The following KCNH5 variants were observed in gnomAD, a reference collection of about 807,000 sequenced individuals.
KCNH5 encodes the protein potassium voltage-gated channel subfamily H member 5, also known as voltage-gated delayed rectifier potassium channel KCNH5.
In KCNH5, 46 loss-of-function variants were observed where a neutral mutation model predicts 96.1. The ratio of observed to expected loss-of-function variants is 0.48; its 90% CI spans 0.38 to 0.61. The LOEUF (loss-of-function observed/expected upper bound fraction) is 0.61, where lower values mean the gene tolerates loss of function less well. Among genes scored for constraint, KCNH5 ranks in the 20% least tolerant of loss-of-function variants. The pLI, the probability that KCNH5 is intolerant of heterozygous loss-of-function variation, is 0.00. For missense variants in KCNH5, 907 were observed against 1,225.8 expected (o/e 0.74, Z 3.88); for synonymous variants, 439 against 449.8 (o/e 0.98, Z 0.30).
chr14:62,774,868 C>A (rs1458644105), intron 10 of KCNH5, among the ~76,000 whole-genome samples: 1 of 152,172 alleles, frequency 6.6e-6, no homozygotes, highest in African/African-American at 2.4e-5. Flanking sequence ...GACTCTCACA[C>A]ATGGGATCTT....
chr14:63,036,768 G>A (rs756531058), intron 1 of KCNH5, among the ~76,000 whole-genome samples: 12 of 152,124 alleles, frequency 7.9e-5, no homozygotes, highest in Admixed American at 5.9e-4. Context: ...GGAGAGGAGG[G>A]AGGAGGAGAG....
rs183364361 is a variant in KCNH5 at position 62,760,672 on chromosome 14, A to G, written c.2019+19056T>C. Among the ~76,000 whole-genome samples the G allele has an allele frequency of 1.4e-3, 216 of 152,334 alleles. 1 individual carries two copies. Among genetic ancestry groups the G allele is most frequent in the African/African-American group, 5.0e-3 (207 of 41,588 alleles). ...TTCAGAGAGAAGAGACAGAAAATGAATGACTTTTTCCAAGAGAAATTACTA... is the reference window on the plus strand; with the variant it reads ...TTCAGAGAGAAGAGACAGAAAATGAGTGACTTTTTCCAAGAGAAATTACTA... On this transcript the variant is annotated intron_variant, in intron 10 of 10. Transcript: ENST00000322893.
intron 6 of KCNH5, among the ~76,000 whole-genome samples, chr14:62,963,502 A>T (rs1004492359): frequency 6.6e-6 from 1 of 152,156 alleles, no homozygotes; most frequent in Non-Finnish European, 1.5e-5. Flanking sequence ...TTGCAATTCA[A>T]GTCCAAAGAC....
chr14:62,927,443 C>G (rs1889497842), intron 7 of KCNH5, among the ~76,000 whole-genome samples: 1 of 152,072 alleles, frequency 6.6e-6, no homozygotes, highest in Non-Finnish European at 1.5e-5. Flanking sequence ...ACACCCATGT[C>G]TATAGGAGCA....
At chr14:63,039,476 A>G (rs1165850875) in intron 1 of KCNH5, among the ~76,000 whole-genome samples, 1 of 152,042 alleles carries the variant, frequency 6.6e-6, no homozygotes, top group African/African-American at 2.4e-5. Context: ...CTACTTCACC[A>G]ATTCAATATA....
At chr14:62,800,935 G>GA (rs796297890) in intron 9 of KCNH5, among the ~76,000 whole-genome samples, 1,917 of 140,178 alleles carry the variant, frequency 0.014, 40 homozygotes, top group African/African-American at 0.043. Flanking sequence ...TTTTCTTCTT[G>GA]AAAAAAAAAA....
At chr14:62,884,763 T>A (rs776161610) in intron 7 of KCNH5, among the ~76,000 whole-genome samples, 2 of 152,226 alleles carry the variant, frequency 1.3e-5, no homozygotes, top group Non-Finnish European at 2.9e-5. Context: ...AAAGGTTAGA[T>A]GATAAAATCA....
At chr14:62,816,987 G>A (rs548584660) in intron 8 of KCNH5, among the ~76,000 whole-genome samples, 43 of 147,750 alleles carry the variant, frequency 2.9e-4, no homozygotes, top group African/African-American at 1.1e-3. Context: ...ATTCCTGTTT[G>A]GTTCTTTTTT....
intron 7 of KCNH5, among the ~76,000 whole-genome samples, chr14:62,894,372 G>C (rs1396111143): frequency 6.6e-6 from 1 of 152,174 alleles, no homozygotes; most frequent in Non-Finnish European, 1.5e-5. Context: ...AGTGCAAAGG[G>C]AAGAATTCAG....
chr14:62,870,492 C>T (rs912059918), intron 7 of KCNH5, among the ~76,000 whole-genome samples: 3 of 152,040 alleles, frequency 2.0e-5, no homozygotes, highest in African/African-American at 7.2e-5. Context: ...AAAGTCAAGT[C>T]CTCTGAGTAG....
At chr14:62,955,038 G>A (rs1442560132) in intron 6 of KCNH5, among the ~76,000 whole-genome samples, 1 of 151,044 alleles carries the variant, frequency 6.6e-6, no homozygotes. Flanking sequence ...ATATCACTAG[G>A]TCACACATGT....
At chr14:62,862,308 G>A (rs1162126242) in intron 7 of KCNH5, among the ~76,000 whole-genome samples, 4 of 152,020 alleles carry the variant, frequency 2.6e-5, no homozygotes, top group Non-Finnish European at 4.4e-5. Flanking sequence ...AAATAGTTTG[G>A]GGTCCTGAGA....
chr14:62,761,184 G>A (rs1419403144), intron 10 of KCNH5, among the ~76,000 whole-genome samples: 4 of 151,886 alleles, frequency 2.6e-5, no homozygotes, highest in South Asian at 4.2e-4. Flanking sequence ...GAGAAACCCC[G>A]TCTCTACTAA....
chr14:62,761,589 G>T (rs569658860), intron 10 of KCNH5, among the ~76,000 whole-genome samples: 9 of 152,144 alleles, frequency 5.9e-5, no homozygotes, highest in Non-Finnish European at 1.2e-4. Flanking sequence ...GGTTGGGGAG[G>T]GAAGAACTCT....
At chr14:62,776,839 A>G (rs541784473) in intron 10 of KCNH5, among the ~76,000 whole-genome samples, 30 of 152,296 alleles carry the variant, frequency 2.0e-4, no homozygotes, top group Non-Finnish European at 4.0e-4. Flanking sequence ...GCAAGCAGCT[A>G]AAGAAGGCTC....
At position 62,700,314 on chromosome 14, in the gene KCNH5, T is replaced by C. The variant is rs1884328324; in HGVS notation, c.*7194A>G. On this transcript the variant is annotated 3_prime_UTR_variant, in exon 11 of 11. Coordinates refer to ENST00000322893, the MANE Select transcript of KCNH5 (RefSeq NM_139318.5). ...GTTCTAAACTGGTTTCCACTTTTCA[T>C]AACAATCACTTAAGAAATCTGTTCC... 1 of 152,208 alleles carries C rather than the reference T, an allele frequency of 6.6e-6. No individual in the cohort carries two copies. The highest frequency in any genetic ancestry group is 1.5e-5 in the Non-Finnish European group (1 of 68,032). 9.4% of individuals were successfully genotyped at this position (152,208 alleles called of 1,614,324 possible).
chr14:63,006,475 G>A lies in KCNH5; in HGVS notation c.198-3C>T. On this transcript the variant is annotated splice_region_variant and splice_polypyrimidine_tract_variant and intron_variant, in intron 2 of 10. Coordinates refer to ENST00000322893, the MANE Select transcript of KCNH5 (RefSeq NM_139318.5). Reference sequence around the variant, plus strand: ...CAGTCAATTCCCCATACATAAAACTGGGGGGGAAAAAAAACAAACAATCGA... The same window carrying A: ...CAGTCAATTCCCCATACATAAAACTAGGGGGGAAAAAAAACAAACAATCGA... The A allele has an allele frequency of 6.5e-7, 1 of 1,544,518 alleles. No homozygotes were observed. The highest frequency in any genetic ancestry group is 1.1e-5 in the South Asian group (1 of 87,286).
intron 7 of KCNH5, among the ~76,000 whole-genome samples, chr14:62,915,410 A>G (rs539780936): frequency 1.3e-5 from 2 of 152,368 alleles, no homozygotes; most frequent in South Asian, 4.1e-4. Context: ...ATAGTAAGAA[A>G]TATAATTCTT....
Position 62,701,009 on chromosome 14 carries a change from T to A in KCNH5, c.*6499A>T, listed in dbSNP as rs908763791. ...TAAATTAGTTATTATGGATACTCAATCTGGTTTATTGAAGCTTCAAGGTGA... is the reference window on the plus strand; with the variant it reads ...TAAATTAGTTATTATGGATACTCAAACTGGTTTATTGAAGCTTCAAGGTGA... On this transcript the variant is annotated 3_prime_UTR_variant, in exon 11 of 11. Coordinates refer to ENST00000322893, the MANE Select transcript of KCNH5 (RefSeq NM_139318.5). 10 of 152,132 alleles carry A rather than the reference T, an allele frequency of 6.6e-5. No individual in the cohort carries two copies. The highest frequency in any genetic ancestry group is 1.3e-4 in the Admixed American group (2 of 15,272). The allele number at this position is 152,132 out of a possible 1,614,324, so 9.4% of individuals were successfully genotyped here. A position where few individuals can be genotyped will look rare whatever the true frequency, so the allele number is the denominator to read the frequency against.
Sources: gnomAD v4.1 joint callset for allele counts (sites outside exome capture counted in the v4.1 genomes callset) on GRCh38, gnomAD v4.1.1 for gene constraint, MANE v1.5 for transcripts, NCBI Gene and HGNC (gene_info 2026-07-23, HGNC 2026-07-21) for gene names.